Variants in VTCN1 observed in about 807,000 individuals in gnomAD.
VTCN1 encodes the protein V-set domain-containing T-cell activation inhibitor 1.
A neutral mutation model predicts 26.5 loss-of-function variants in VTCN1; 26 were observed. The ratio of observed to expected loss-of-function variants is 0.98; its 90% CI spans 0.72 to 1.36. The LOEUF (loss-of-function observed/expected upper bound fraction) is 1.36, where lower values mean the gene tolerates loss of function less well. Among genes scored for constraint, VTCN1 ranks in the 40% most tolerant of loss-of-function variants. The pLI is 0.00. For missense variants in VTCN1, 298 were observed against 337.7 expected (o/e 0.88, Z 0.92); for synonymous variants, 116 against 130.7 (o/e 0.89, Z 0.77).
intron 2 of VTCN1, among the ~76,000 whole-genome samples, chr1:117,164,685 G>A (rs1326454772): frequency 6.6e-6 from 1 of 152,220 alleles, no homozygotes; most frequent in Non-Finnish European, 1.5e-5. Context: ...TACAGTTAGT[G>A]TGAGCGCTGA....
chr1:117,160,223 G>A (rs970999062), intron 2 of VTCN1, among the ~76,000 whole-genome samples: 1 of 152,088 alleles, frequency 6.6e-6, no homozygotes, highest in African/African-American at 2.4e-5. Flanking sequence ...TGGATCCTGG[G>A]GTGTTCAGGT....
chr1:117,205,163 G>T (rs574119063), intron 1 of VTCN1, among the ~76,000 whole-genome samples: 10,511 of 133,134 alleles, frequency 0.079, 416 homozygotes, highest in Non-Finnish European at 0.092. Context: ...TATATAGAGA[G>T]AGAGAGAGAG....
rs1651880427 is a variant in VTCN1, at chr1:117,153,138, A to G, written c.677T>C (p.Met226Thr). Reference sequence around the variant, plus strand: ...TGCTTTGGCAATGTCATTTTCAATCATACAGGAGTATGTGTTGTTGATCGT... The same window carrying G: ...TGCTTTGGCAATGTCATTTTCAATCGTACAGGAGTATGTGTTGTTGATCGT... The part of the protein sequence containing the change: ...NVTINNTYSC[M>T]IENDIAKATG... Residue 226 changes from methionine to threonine, a missense_variant, in exon 4 of 6, where the codon ATG becomes ACG. Met to Thr is a moderately conservative substitution (Grantham distance 81, BLOSUM62 -1). Coordinates refer to ENST00000369458, the MANE Select transcript of VTCN1 (RefSeq NM_024626.4). The G allele has an allele frequency of 1.2e-6, 2 of 1,613,708 alleles. No individual in the cohort carries two copies. The highest frequency in any genetic ancestry group is 1.7e-6 in the Non-Finnish European group (2 of 1,179,990).
intron 1 of VTCN1, chr1:117,172,330 C>A: frequency 1.9e-6 from 1 of 518,446 alleles, no homozygotes; most frequent in South Asian, 1.4e-5. Flanking sequence ...AGGCAGCAAG[C>A]GAAGCTTTAA....
At chr1:117,165,541 C>T (rs1326645602) in intron 2 of VTCN1, among the ~76,000 whole-genome samples, 2 of 152,056 alleles carry the variant, frequency 1.3e-5, no homozygotes, top group Admixed American at 1.3e-4. Context: ...GAGATCTGGT[C>T]GTTTAAACTT....
intron 3 of VTCN1, among the ~76,000 whole-genome samples, chr1:117,154,783 C>CAAAAAAAAAAAAAAAAAAAAGAAAAA (rs1651982266): frequency 2.5e-5 from 1 of 39,890 alleles, no homozygotes; most frequent in African/African-American, 8.3e-5. Context: ...AACTCCATCT[C>CAAAAAAAAAAAAAAAAAAAAGAAAAA]AAAAAAAAAA....
At chr1:117,207,823 G>A (rs1369686831) in intron 1 of VTCN1, among the ~76,000 whole-genome samples, 3 of 152,122 alleles carry the variant, frequency 2.0e-5, no homozygotes, top group Admixed American at 2.0e-4. Flanking sequence ...TCCAATCATT[G>A]ATCAAATATC....
At chr1:117,203,954 G>A (rs1482356705) in intron 1 of VTCN1, 2 of 194,016 alleles carry the variant, frequency 1.0e-5, no homozygotes, top group Non-Finnish European at 1.9e-5. Flanking sequence ...TGAACATCGA[G>A]TTTGGATGGG....
In VTCN1 at chr1:117,156,703, C is replaced by G; in HGVS notation, c.316G>C (p.Asp106His). 1 of 1,614,174 alleles carries G rather than the reference C, an allele frequency of 6.2e-7. No individual in the cohort carries two copies. The highest frequency in any genetic ancestry group is 8.5e-7 in the Non-Finnish European group (1 of 1,180,020). Residue 106 changes from aspartate to histidine, a missense_variant, in exon 3 of 6, where the codon GAT (aspartate) becomes CAT (histidine). Physicochemically the swap from Asp to His is moderately conservative, Grantham distance 81. Transcript: ENST00000369458. ...MFRGRTAVFADQVIVGNASLR... is the reference protein window; with the variant it reads ...MFRGRTAVFAHQVIVGNASLR... ...GAGGCATTGCCAACTATCACTTGAT[C>G]AGCAAACACTGCTGTCCGGCCTCTG... is the stretch of plus-strand genomic sequence containing the variant.
intron 4 of VTCN1, among the ~76,000 whole-genome samples, chr1:117,150,472 C>T (rs35575576): frequency 0.11 from 16,083 of 152,212 alleles, 1,198 homozygotes; most frequent in African/African-American, 0.21. Flanking sequence ...ACTTCCTACA[C>T]TTCCCTTTCA....
intron 1 of VTCN1, among the ~76,000 whole-genome samples, chr1:117,174,956 G>A (rs1386422845): frequency 6.6e-6 from 1 of 152,194 alleles, no homozygotes; most frequent in African/African-American, 2.4e-5. Context: ...GCTCTGGGCT[G>A]TGGGCTGGGA....
intron 2 of VTCN1, among the ~76,000 whole-genome samples, chr1:117,166,654 C>CA (rs34933727): frequency 0.048 from 3,534 of 72,908 alleles, 63 homozygotes; most frequent in African/African-American, 0.088. Flanking sequence ...TACTCTGTCT[C>CA]AAAAAAAAAA....
At chr1:117,199,926 G>T (rs562432779) in intron 1 of VTCN1, among the ~76,000 whole-genome samples, 1 of 152,142 alleles carries the variant, frequency 6.6e-6, no homozygotes, top group Admixed American at 6.6e-5. Flanking sequence ...GAGCCACCAC[G>T]CCCAGCCTGC....
intron 2 of VTCN1, among the ~76,000 whole-genome samples, chr1:117,164,885 T>G (rs926762409): frequency 3.3e-5 from 5 of 152,214 alleles, no homozygotes; most frequent in Non-Finnish European, 5.9e-5. Context: ...TCAACCTCTC[T>G]TTCAAATGGT....
intron 1 of VTCN1, among the ~76,000 whole-genome samples, chr1:117,178,964 G>A (rs1160810886): frequency 1.3e-5 from 2 of 152,132 alleles, no homozygotes; most frequent in Non-Finnish European, 2.9e-5. Context: ...CATGAAAGGA[G>A]GCTTTAATTC....
At chr1:117,204,814 C>T (rs150008880) in intron 1 of VTCN1, among the ~76,000 whole-genome samples, 13,582 of 150,232 alleles carry the variant, frequency 0.09, 829 homozygotes, top group Non-Finnish European at 0.13. Context: ...TGCAGTGAGC[C>T]GAGATCACAC....
chr1:117,187,647 C>T (rs1648014072), intron 1 of VTCN1, among the ~76,000 whole-genome samples: 1 of 152,156 alleles, frequency 6.6e-6, no homozygotes, highest in African/African-American at 2.4e-5. Flanking sequence ...TCTGGTCACA[C>T]ATTTGTGTCT....
chr1:117,165,178 G>T (rs1250725809), intron 2 of VTCN1, among the ~76,000 whole-genome samples: 1 of 152,100 alleles, frequency 6.6e-6, no homozygotes, highest in Non-Finnish European at 1.5e-5. Context: ...AATTCCCAAG[G>T]CTTGAAATAC....
chr1:117,170,057 G>A, intron 2 of VTCN1, 50 bp downstream of exon 2: 1 of 1,551,584 alleles, frequency 6.4e-7, no homozygotes. Context: ...GTGATTAGGA[G>A]TTTAATGGTG....
Sources: allele counts gnomAD v4.1 joint callset (sites outside exome capture counted in the v4.1 genomes callset), GRCh38; gene constraint gnomAD v4.1.1; transcripts MANE v1.5; gene names NCBI Gene and HGNC (gene_info 2026-07-23, HGNC 2026-07-21).